Variants in ZBTB25 observed in about 807,000 individuals in gnomAD.
ZBTB25 encodes zinc finger and BTB domain-containing protein 25.
In ZBTB25, 20 loss-of-function variants were observed where a neutral mutation model predicts 34.2. The observed-to-expected ratio is 0.58, with a 90% CI of 0.41 to 0.85. The LOEUF (loss-of-function observed/expected upper bound fraction) is 0.85, where lower values mean the gene tolerates loss of function less well. ZBTB25 is among the 40% of genes least tolerant of loss of function. The pLI is 0.00. For missense variants in ZBTB25, 437 were observed against 521.8 expected (o/e 0.84, Z 1.58); for synonymous variants, 175 against 186.4 (o/e 0.94, Z 0.50).
chr14:64,459,476 A>G (rs1002059741), intron 2 of ZBTB25, among the ~76,000 whole-genome samples: 3 of 147,550 alleles, frequency 2.0e-5, no homozygotes, highest in Non-Finnish European at 4.6e-5. Context: ...CTGTAGTTTG[A>G]TGCTAGAACA....
In ZBTB25 at chr14:64,453,677, A is replaced by G. The variant is rs1052129110; in HGVS notation, c.174-4039T>C. 1.3e-5 allele frequency: 11 copies of G among 840,354 alleles called. No homozygotes were observed. The Admixed American group carries it at 2.0e-4, about 16-fold the overall frequency. 52.1% of individuals were successfully genotyped at this position (840,354 alleles called of 1,614,324 possible). A position where few individuals can be genotyped will look rare whatever the true frequency, so the allele number is the denominator to read the frequency against. ...CTGCCCCTTTTAGGGACTCTGACCTAGAATGTGGCTATGTCCTGGTTAAAT... is the reference window on the plus strand; with the variant it reads ...CTGCCCCTTTTAGGGACTCTGACCTGGAATGTGGCTATGTCCTGGTTAAAT... On this transcript the variant is annotated intron_variant, in intron 2 of 2. Coordinates refer to the ZBTB25 transcript ENST00000555220.
exon 3 of ZBTB25, chr14:64,449,119 G>T: frequency 7.7e-6 from 3 of 389,834 alleles, no homozygotes; most frequent in South Asian, 6.5e-5. Context: ...TTAAATGCTA[G>T]TATTTACTGA....
chr14:64,467,527 T>TG (rs2078624280), intron 2 of ZBTB25: 1 of 152,138 alleles, frequency 6.6e-6, no homozygotes, highest in Admixed American at 6.5e-5. Context: ...CCTAAGAATA[T>TG]GTATGAAAAA....
chr14:64,483,897 T>A lies in ZBTB25; in HGVS notation c.*3026A>T, dbSNP rs1232395894. 1 of 132,996 alleles carries A rather than the reference T, an allele frequency of 7.5e-6. No individual in the cohort carries two copies. Among genetic ancestry groups the A allele is most frequent in the Non-Finnish European group, 1.5e-5 (1 of 65,998 alleles). The allele number at this position is 132,996 out of a possible 1,614,324, so 8.2% of individuals were successfully genotyped here. On this transcript the variant is annotated 3_prime_UTR_variant, in exon 3 of 3. Coordinates refer to ENST00000608382, the MANE Select transcript of ZBTB25 (RefSeq NM_006977.5). ...AGGCGGAGGTTGCAGTGAGCTGAGATTGCACCACTGCACTCCAGCCTGGCG... is the reference window on the plus strand; with the variant it reads ...AGGCGGAGGTTGCAGTGAGCTGAGAATGCACCACTGCACTCCAGCCTGGCG...
intron 2 of ZBTB25, chr14:64,467,763 T>C (rs2078626208): frequency 1.3e-5 from 2 of 152,126 alleles, no homozygotes; most frequent in South Asian, 4.1e-4. Flanking sequence ...AAATTATCTA[T>C]TGAGTGTGAT....
At chr14:64,464,965 A>G (rs1219252910) in intron 2 of ZBTB25, among the ~76,000 whole-genome samples, 1 of 152,128 alleles carries the variant, frequency 6.6e-6, no homozygotes, top group Non-Finnish European at 1.5e-5. Flanking sequence ...ATGATCTGAC[A>G]CTCAAGCCAC....
rs1229580920 is a variant in ZBTB25, at chr14:64,487,659, T to C, written c.572A>G (p.Gln191Arg). ...ADQQRACPAT[Q>R]ALEEHQKPPV... ...GGGCTTCTGGTGCTCCTCCAGGGCC[T>C]GGGTGGCAGGACAGGCCCTCTGCTG... The change falls in exon 3 of 3, where the codon CAG becomes CGG. Residue 191 changes from glutamine to arginine, a missense_variant. Coordinates refer to ENST00000608382, the MANE Select transcript of ZBTB25 (RefSeq NM_006977.5). The C allele has an allele frequency of 6.2e-7, 1 of 1,606,098 alleles. No individual in the cohort carries two copies.
chr14:64,458,442 GA>G (rs1399272794), intron 2 of ZBTB25: 17 of 730,460 alleles, frequency 2.3e-5, no homozygotes, highest in Non-Finnish European at 4.0e-5. Flanking sequence ...TCCCTGAGGG[GA>G]GAGGGGATAG....
Position 64,470,589 on chromosome 14 carries a change from C to CAA in ZBTB25, c.173+19770_173+19771dup, listed in dbSNP as rs35363924. The CAA allele has an allele frequency of 1.1e-3, 53 of 49,874 alleles. 3 individuals carry two copies. The highest frequency in any genetic ancestry group is 1.2e-3 in the African/African-American group (20 of 16,402). 3.1% of individuals were successfully genotyped at this position (49,874 alleles called of 1,614,324 possible). A position where few individuals can be genotyped will look rare whatever the true frequency, so the allele number is the denominator to read the frequency against. ...TGGGCAACAGAGCGAGACTCCTTCT[C>CAA]AAAAAAAAAAAAAAAAAAAAAGAGA... On this transcript the variant is annotated intron_variant, in intron 2 of 2. Transcript: ENST00000555220.
rs1050081438 is a variant in ZBTB25 at position 64,483,932 on chromosome 14, G to A, written c.*2991C>T. ...GCACTCCAGCCTGGCGACACAGCAC[G>A]ACTGTCTCAAAAAAAAAAAAAAAAA... On this transcript the variant is annotated 3_prime_UTR_variant, in exon 3 of 3. Transcript: ENST00000608382. The A allele has an allele frequency of 9.2e-5, 9 of 97,316 alleles. No homozygotes were observed. The highest frequency in any genetic ancestry group is 3.4e-4 in the East Asian group (1 of 2,958). The allele number at this position is 97,316 out of a possible 1,614,324, so 6.0% of individuals were successfully genotyped here.
At chr14:64,493,262 C>T (rs2079152222) in intron 1 of ZBTB25, among the ~76,000 whole-genome samples, 1 of 152,182 alleles carries the variant, frequency 6.6e-6, no homozygotes, top group African/African-American at 2.4e-5. Flanking sequence ...GTAGTTAAAG[C>T]TTGAACTAAA....
intron 1 of ZBTB25, among the ~76,000 whole-genome samples, chr14:64,501,413 T>C (rs929881273): frequency 6.6e-6 from 1 of 152,230 alleles, no homozygotes; most frequent in Admixed American, 6.5e-5. Flanking sequence ...TCTGTCTCCA[T>C]AGCCTGTGCT....
At position 64,483,988 on chromosome 14, in the gene ZBTB25, A is replaced by G. The variant is rs1353339641; in HGVS notation, c.*2935T>C. On this transcript the variant is annotated 3_prime_UTR_variant, in exon 3 of 3. Coordinates refer to ENST00000608382, the MANE Select transcript of ZBTB25 (RefSeq NM_006977.5). ...AAAAAAGCCTGCAGAATAAATGAAA[A>G]CAACAATAACAAAAACTGGGGGTCA... 6.6e-6 allele frequency: 1 copy of G among 151,424 alleles called. No individual in the cohort carries two copies. The highest frequency in any genetic ancestry group is 2.4e-5 in the African/African-American group (1 of 41,162). 9.4% of individuals were successfully genotyped at this position (151,424 alleles called of 1,614,324 possible).
At chr14:64,477,207 G>A (rs557387599), downstream of ZBTB25, among the ~76,000 whole-genome samples, 5 of 152,304 alleles carry the variant, frequency 3.3e-5, no homozygotes, top group African/African-American at 9.6e-5. Context: ...AGGCTGTCAC[G>A]CACAGCTGTG....
chr14:64,463,741 C>A (rs368730032), intron 2 of ZBTB25, among the ~76,000 whole-genome samples: 1 of 152,038 alleles, frequency 6.6e-6, no homozygotes, highest in South Asian at 2.1e-4. Flanking sequence ...CCACTGCACT[C>A]CAGCCTGAGC....
chr14:64,486,666 A>T lies in ZBTB25; in HGVS notation c.*257T>A, dbSNP rs2078869736. On this transcript the variant is annotated 3_prime_UTR_variant, in exon 3 of 3. Transcript: ENST00000608382. ...ATAAATAACTATTTAAGGTTTCCAT[A>T]TTTCTACATTGATTTCTGATTTCTA... 1 of 1,100,510 alleles carries T rather than the reference A, an allele frequency of 9.1e-7. No homozygotes were observed. The highest frequency in any genetic ancestry group is 1.1e-6 in the Non-Finnish European group (1 of 889,936). The allele number at this position is 1,100,510 out of a possible 1,614,324, so 68.2% of individuals were successfully genotyped here.
chr14:64,449,742 C>T (rs1262963840), intron 2 of ZBTB25: 2 of 1,188,530 alleles, frequency 1.7e-6, no homozygotes, highest in Admixed American at 2.0e-5. Context: ...GTTTGATTCC[C>T]ACGTAGGTGA....
chr14:64,466,807 C>T (rs2078617347), intron 2 of ZBTB25, among the ~76,000 whole-genome samples: 1 of 152,184 alleles, frequency 6.6e-6, no homozygotes, highest in Admixed American at 6.5e-5. Context: ...TATTTTAGGG[C>T]ATCCACCCAC....
chr14:64,475,271 C>T (rs1352856201), downstream of ZBTB25, among the ~76,000 whole-genome samples: 1 of 152,060 alleles, frequency 6.6e-6, no homozygotes, highest in African/African-American at 2.4e-5. Context: ...AACCCCGTCT[C>T]TACTAAAAAT....
Sources: allele counts gnomAD v4.1 joint callset (sites outside exome capture counted in the v4.1 genomes callset), GRCh38; gene constraint gnomAD v4.1.1; transcripts MANE v1.5; gene names NCBI Gene and HGNC (gene_info 2026-07-23, HGNC 2026-07-21).